Variants in ASPRV1 observed in about 807,000 individuals in gnomAD.
ASPRV1 encodes the protein aspartic peptidase retroviral like 1, also known as retroviral-like aspartic protease 1.
ASPRV1 carries 7 observed loss-of-function variants against 11.0 expected under a neutral mutation model. The ratio of observed to expected loss-of-function variants is 0.64; its 90% confidence interval spans 0.36 to 1.20. The LOEUF is 1.20. Among genes scored for constraint, ASPRV1 ranks in the 50% most tolerant of loss-of-function variants. ASPRV1 has a pLI of 0.02. For synonymous variants in ASPRV1, 136 were observed against 138.4 expected (o/e 0.98, Z 0.12); for missense variants, 299 against 320.0 (o/e 0.93, Z 0.50).
the ASPRV1 span, among the ~76,000 whole-genome samples, chr2:69,999,958 C>T: frequency 1.3e-5 from 2 of 152,118 alleles, no homozygotes; most frequent in Non-Finnish European, 2.9e-5. Flanking sequence ...GAGTTGGCCC[C>T]GCTCGCCTCC....
the ASPRV1 span, chr2:70,071,693 T>TA: frequency 6.6e-6 from 1 of 152,118 alleles, no homozygotes; most frequent in Admixed American, 6.6e-5. Flanking sequence ...AGTGAGCCGA[T>TA]ATCGTGCCAC....
chr2:69,972,620 A>G, the ASPRV1 span, among the ~76,000 whole-genome samples: 1 of 152,030 alleles, frequency 6.6e-6, no homozygotes, highest in Non-Finnish European at 1.5e-5. Flanking sequence ...AGCCTCCTAA[A>G]GTGCTGGGAT....
the ASPRV1 span, among the ~76,000 whole-genome samples, chr2:70,009,989 C>A: frequency 6.6e-6 from 1 of 152,074 alleles, no homozygotes; most frequent in African/African-American, 2.4e-5. Context: ...GTATGGGGTG[C>A]CTGATGGGTG....
downstream of ASPRV1, among the ~76,000 whole-genome samples, chr2:69,955,357 G>A (rs894021359): frequency 5.3e-5 from 8 of 152,162 alleles, no homozygotes; most frequent in Non-Finnish European, 1.2e-4. Flanking sequence ...CCTTGACACT[G>A]GCCCTCGAGG....
chr2:70,041,196 TCTCA>T, the ASPRV1 span, among the ~76,000 whole-genome samples: 7 of 152,270 alleles, frequency 4.6e-5, no homozygotes, highest in Non-Finnish European at 8.8e-5. Context: ...CAACTAATGA[TCTCA>T]CTCACGACAA....
At chr2:69,969,292 A>G in the ASPRV1 span, among the ~76,000 whole-genome samples, 1 of 152,142 alleles carries the variant, frequency 6.6e-6, no homozygotes, top group Non-Finnish European at 1.5e-5. Context: ...ACTCTGCCTC[A>G]TGGTGTTACC....
upstream of ASPRV1, chr2:69,964,363 G>C (rs1215293779): frequency 2.2e-6 from 1 of 455,716 alleles, no homozygotes; most frequent in Non-Finnish European, 4.4e-6. Flanking sequence ...GGGGCCTCAT[G>C]GTTACCGTGA....
the ASPRV1 span, among the ~76,000 whole-genome samples, chr2:69,992,680 T>C: frequency 1.3e-5 from 2 of 152,222 alleles, no homozygotes; most frequent in Admixed American, 1.3e-4. Context: ...ATTCTCGCCT[T>C]GGGGACATGT....
the ASPRV1 span, among the ~76,000 whole-genome samples, chr2:70,080,711 CA>C: frequency 6.6e-6 from 1 of 152,164 alleles, no homozygotes; most frequent in Non-Finnish European, 1.5e-5. Context: ...CAAGTATAGT[CA>C]AATCTCAATA....
the ASPRV1 span, chr2:69,935,306 C>T: frequency 7.1e-7 from 1 of 1,410,140 alleles, no homozygotes; most frequent in South Asian, 1.2e-5. Flanking sequence ...GTGCTTCTGG[C>T]CCACTGTGAA....
At chr2:69,993,469 C>T in the ASPRV1 span, 1 of 152,256 alleles carries the variant, frequency 6.6e-6, no homozygotes, top group Admixed American at 6.5e-5. Context: ...GTGAGGCCAA[C>T]TAGGGCTGTG....
chr2:70,048,214 GA>G, the ASPRV1 span, among the ~76,000 whole-genome samples: 1 of 148,298 alleles, frequency 6.7e-6, no homozygotes, highest in Non-Finnish European at 1.5e-5. Flanking sequence ...AGGAGATCGA[GA>G]CCATCCTGGC....
chr2:69,933,440 T>C, the ASPRV1 span, among the ~76,000 whole-genome samples: 2 of 152,196 alleles, frequency 1.3e-5, no homozygotes, highest in Non-Finnish European at 2.9e-5. Context: ...AGCACACCTG[T>C]AACATGAGTC....
At chr2:70,074,196 AGCTAAGCAGGT>A in the ASPRV1 span, among the ~76,000 whole-genome samples, 1 of 149,218 alleles carries the variant, frequency 6.7e-6, no homozygotes, top group Non-Finnish European at 1.5e-5. Flanking sequence ...AAACTCAAGG[AGCTAAGCAGGT>A]GTTAAGCAGG....
the ASPRV1 span, among the ~76,000 whole-genome samples, chr2:69,934,387 A>G: frequency 6.6e-6 from 1 of 152,160 alleles, no homozygotes; most frequent in Admixed American, 6.5e-5. Context: ...GGAAATGTAA[A>G]TTTCTCAGTT....
chr2:69,961,346 G>C lies in ASPRV1; in HGVS notation c.91C>G (p.Leu31Val), dbSNP rs780417082. ...PFDGANVVPN[L>V]WLHSFEVIND... ...ATGACTTCAAAGCTGTGCAGCCAGA[G>C]GTTTGGGACGACATTGGCCCCATCA... Residue 31 changes from leucine (L) to valine (V), a missense_variant, in exon 1 of 1, where the codon CTC becomes GTC. By Grantham distance (32) the Leu-to-Val change is conservative. Coordinates refer to ENST00000320256, the MANE Select transcript of ASPRV1 (RefSeq NM_152792.4). 1 of 1,614,174 alleles carries C rather than the reference G, an allele frequency of 6.2e-7. No individual in the cohort carries two copies. Among genetic ancestry groups the C allele is most frequent in the South Asian group, 1.1e-5 (1 of 91,084 alleles).
the ASPRV1 span, among the ~76,000 whole-genome samples, chr2:69,978,428 T>C: frequency 6.6e-6 from 1 of 152,114 alleles, no homozygotes; most frequent in Admixed American, 6.5e-5. Flanking sequence ...TAGGCCACCT[T>C]AGGAAAACAA....
At chr2:70,070,930 A>G in the ASPRV1 span, 1 of 152,224 alleles carries the variant, frequency 6.6e-6, no homozygotes, top group Non-Finnish European at 1.5e-5. Context: ...ATGACTTCGA[A>G]TGGCCTTTCC....
chr2:70,073,354 T>G, the ASPRV1 span: 4 of 152,180 alleles, frequency 2.6e-5, no homozygotes, highest in African/African-American at 9.6e-5. Context: ...TTCTATTTTT[T>G]TAAATATCCA....
Sources: gnomAD v4.1 joint callset for allele counts (sites outside exome capture counted in the v4.1 genomes callset) on GRCh38, gnomAD v4.1.1 for gene constraint, MANE v1.5 for transcripts, NCBI Gene and HGNC (gene_info 2026-07-23, HGNC 2026-07-21) for gene names.